The following ABI3BP variants were observed in gnomAD, a reference collection of about 807,000 sequenced individuals.
The protein encoded by ABI3BP is ABI family member 3 binding protein.
Under a neutral mutation model 268.6 loss-of-function variants are expected in ABI3BP, and 216 were observed. The ratio of observed to expected loss-of-function variants is 0.80; its 90% CI spans 0.72 to 0.90. ABI3BP has a LOEUF of 0.90. ABI3BP is among the 40% of genes least tolerant of loss of function. ABI3BP has a pLI of 0.00. For synonymous variants in ABI3BP, 730 were observed against 730.0 expected (o/e 1.00, Z 0.00); for missense variants, 2,090 against 2,182.4 (o/e 0.96, Z 0.84).
In ABI3BP at chr3:100,804,849, G is replaced by T; in HGVS notation, c.3700C>A (p.Arg1234Ser). ...GACGTTTTTGGTTTTGCAGTAACAC[G>T]CTGGGGCACCTTAGGAACTGAAAGA... ...QTQPVPKVPQ[R>S]VTAKPKTSPS... is the part of the protein sequence containing the mutation. Residue 1234 changes from arginine to serine, a missense_variant, in exon 51 of 68, where the codon CGT becomes AGT. Transcript: ENST00000471714. The T allele has an allele frequency of 6.2e-7, 1 of 1,612,896 alleles. No homozygotes were observed. The highest frequency in any genetic ancestry group is 8.5e-7 in the Non-Finnish European group (1 of 1,179,052).
chr3:100,886,935 TAATATTCATATATACATA>T (rs1294582380), intron 4 of ABI3BP, among the ~76,000 whole-genome samples: 1 of 152,046 alleles, frequency 6.6e-6, no homozygotes, highest in Non-Finnish European at 1.5e-5. Flanking sequence ...TAGGCCTTCA[TAATATTCATATATACATA>T]AATATACACA....
At chr3:100,921,978 A>T (rs148853413) in intron 2 of ABI3BP, among the ~76,000 whole-genome samples, 1 of 152,266 alleles carries the variant, frequency 6.6e-6, no homozygotes, top group Non-Finnish European at 1.5e-5. Flanking sequence ...ACAAGGCTGT[A>T]CTTAATATTT....
rs924075949 is a variant in ABI3BP at position 100,822,655 on chromosome 3, G to T, written c.2821C>A (p.Arg941=). The change falls in exon 38 of 68, where the codon CGG becomes AGG. Residue 941 remains arginine, a synonymous_variant. Transcript: ENST00000471714. ...STTLASKTSQ[R]TRRPRLRTKT... ...GTTCTGAGACGTGGACGACGTGTCC[G>T]TTGTGATGTTTTGGAAGCTGAAGGA... The T allele has an allele frequency of 3.9e-6, 6 of 1,536,510 alleles. No individual in the cohort carries two copies. The highest frequency in any genetic ancestry group is 2.0e-5 in the Admixed American group (1 of 50,992).
intron 11 of ABI3BP, 21 bp from the exon 12 acceptor site, chr3:100,864,097 G>A: frequency 6.7e-7 from 1 of 1,498,794 alleles, no homozygotes; most frequent in Non-Finnish European, 9.0e-7. Flanking sequence ...AAAGAGTGCA[G>A]TTAGCAACTC....
chr3:100,769,341 T>C (rs547752654), intron 62 of ABI3BP, among the ~76,000 whole-genome samples: 1 of 152,294 alleles, frequency 6.6e-6, no homozygotes, highest in East Asian at 1.9e-4. Context: ...AGCACCTCAT[T>C]AACATTTAGT....
At chr3:100,908,293 C>T (rs1050380953) in intron 2 of ABI3BP, among the ~76,000 whole-genome samples, 4 of 152,114 alleles carry the variant, frequency 2.6e-5, no homozygotes, top group East Asian at 1.9e-4. Context: ...ACATGCCAGA[C>T]CCTTGCTGGC....
chr3:100,766,093 T>G, intron 62 of ABI3BP, 144 bp from the exon 63 acceptor site: 1 of 605,314 alleles, frequency 1.7e-6, no homozygotes, highest in Non-Finnish European at 2.9e-6. Flanking sequence ...TCTTACACAT[T>G]GGCAATTTCC....
chr3:100,926,033 C>G (rs968274626), intron 2 of ABI3BP, among the ~76,000 whole-genome samples: 2 of 151,956 alleles, frequency 1.3e-5, no homozygotes, highest in African/African-American at 4.8e-5. Context: ...AGACTTAATC[C>G]CAGACATTTC....
chr3:100,811,776 A>C lies in ABI3BP; in HGVS notation c.3445T>G (p.Tyr1149Asp). ...TIAPAKTDYV[Y>D]PTAKAPLWPE... ...CAGAGTGGTGCTTTGGCAGTGGGATATACATAGTCTGTTTTGGCTGGTGCT... is the reference window on the plus strand; with the variant it reads ...CAGAGTGGTGCTTTGGCAGTGGGATCTACATAGTCTGTTTTGGCTGGTGCT... The change falls in exon 47 of 68, where the codon TAT becomes GAT. Residue 1149 changes from tyrosine (Y) to aspartate (D), a missense_variant. Transcript: ENST00000471714. 2 of 1,535,536 alleles carry C rather than the reference A, an allele frequency of 1.3e-6. 1 individual carries two copies. Among genetic ancestry groups the C allele is most frequent in the South Asian group, 2.4e-5 (2 of 84,042 alleles).
intron 56 of ABI3BP, among the ~76,000 whole-genome samples, chr3:100,788,050 C>T (rs1241316849): frequency 6.6e-6 from 1 of 152,058 alleles, no homozygotes; most frequent in Non-Finnish European, 1.5e-5. Context: ...AAGTAACTGG[C>T]AAGGGAATTT....
At chr3:100,822,368 C>T (rs562127335) in intron 38 of ABI3BP, among the ~76,000 whole-genome samples, 17 of 152,220 alleles carry the variant, frequency 1.1e-4, no homozygotes, top group Middle Eastern at 6.8e-3. Context: ...TGCACAGTGC[C>T]AGAAAAGACT....
chr3:100,935,095 G>A (rs1041648112), intron 1 of ABI3BP, among the ~76,000 whole-genome samples: 2 of 152,122 alleles, frequency 1.3e-5, no homozygotes, highest in South Asian at 2.1e-4. Flanking sequence ...TTCTTCTAGG[G>A]TTTTTATGAT....
In ABI3BP at chr3:100,850,884, A is replaced by T. The variant is rs541480208; in HGVS notation, c.1352-150T>A. On this transcript the variant is annotated intron_variant, in intron 15 of 67. Transcript: ENST00000471714. The stretch of plus-strand genomic sequence containing the variant: ...GCCCACATTTTAAAACTAGTGATAC[A>T]TCAGGAGTTGAAGATGAGCTCACTT... The T allele has an allele frequency of 2.3e-5, 14 of 603,610 alleles. No homozygotes were observed. In the African/African-American group the frequency reaches 2.6e-4, roughly 11 times the overall value. 37.4% of individuals were successfully genotyped at this position (603,610 alleles called of 1,614,324 possible). A position where few individuals can be genotyped will look rare whatever the true frequency, so the allele number is the denominator to read the frequency against.
At chr3:100,763,857 G>C (rs916183271) in intron 63 of ABI3BP, among the ~76,000 whole-genome samples, 1 of 152,178 alleles carries the variant, frequency 6.6e-6, no homozygotes, top group African/African-American at 2.4e-5. Flanking sequence ...TCCAGCAACT[G>C]TTGCTCAATA....
chr3:100,801,975 T>C (rs867868146), intron 51 of ABI3BP, among the ~76,000 whole-genome samples: 14 of 152,236 alleles, frequency 9.2e-5, no homozygotes, highest in Middle Eastern at 3.2e-3. Context: ...ATTAGGTGAA[T>C]GTCCAATCAG....
At chr3:100,826,766 A>G (rs2098393705) in intron 34 of ABI3BP, among the ~76,000 whole-genome samples, 1 of 152,118 alleles carries the variant, frequency 6.6e-6, no homozygotes, top group South Asian at 2.1e-4. Context: ...GTGGCCACTC[A>G]GTCTGTGGCA....
chr3:100,768,241 A>T (rs1577027560), intron 62 of ABI3BP, among the ~76,000 whole-genome samples: 1 of 152,140 alleles, frequency 6.6e-6, no homozygotes, highest in East Asian at 1.9e-4. Flanking sequence ...GGCGCCCGCC[A>T]CCACACCCGG....
chr3:100,834,887 T>C, intron 28 of ABI3BP, 114 bp from the exon 29 acceptor site: 1 of 998,440 alleles, frequency 1.0e-6, no homozygotes, highest in Non-Finnish European at 1.4e-6. Context: ...TTTGTCTCTT[T>C]GGTTTAGAAT....
intron 20 of ABI3BP, chr3:100,843,923 T>G (rs1260273614): frequency 1.0e-6 from 1 of 985,302 alleles, no homozygotes; most frequent in African/African-American, 1.7e-5. Context: ...TTTTTGAAAT[T>G]ATAAGGAAAA....
Sources: allele counts gnomAD v4.1 joint callset (sites outside exome capture counted in the v4.1 genomes callset), GRCh38; gene constraint gnomAD v4.1.1; transcripts MANE v1.5; gene names NCBI Gene and HGNC (gene_info 2026-07-23, HGNC 2026-07-21).